TFCP2: variants seen among roughly 807,000 people sequenced by gnomAD.
The protein encoded by TFCP2 is alpha-globin transcription factor CP2.
Under a neutral mutation model 73.4 loss-of-function variants are expected in TFCP2, and 33 were observed. The ratio of observed to expected loss-of-function variants is 0.45; its 90% CI spans 0.34 to 0.60. The LOEUF is 0.60. TFCP2 is among the 20% of genes least tolerant of loss of function. The pLI is 0.01. For synonymous variants in TFCP2, 193 were observed against 211.6 expected (o/e 0.91, Z 0.76); for missense variants, 352 against 604.0 (o/e 0.58, Z 4.37).
chr12:51,113,565 C>A (rs553641282), intron 4 of TFCP2, among the ~76,000 whole-genome samples: 2 of 152,234 alleles, frequency 1.3e-5, no homozygotes, highest in Admixed American at 6.5e-5. Flanking sequence ...TCTTTACAAA[C>A]GCAAAACAAA....
chr12:51,147,586 C>T (rs893393549), intron 1 of TFCP2, among the ~76,000 whole-genome samples: 1 of 151,914 alleles, frequency 6.6e-6, no homozygotes, highest in African/African-American at 2.4e-5. Context: ...AACTGGCAAG[C>T]CACATGTAGG....
intron 4 of TFCP2, among the ~76,000 whole-genome samples, chr12:51,112,111 A>G (rs1181174963): frequency 6.6e-6 from 1 of 152,146 alleles, no homozygotes; most frequent in African/African-American, 2.4e-5. Context: ...GTGAGCCAGT[A>G]TTGCGCCACT....
intron 1 of TFCP2, among the ~76,000 whole-genome samples, chr12:51,146,554 G>A (rs1276464603): frequency 3.3e-5 from 5 of 152,090 alleles, no homozygotes. Flanking sequence ...ATAATGGCTA[G>A]GATGCAGAAC....
chr12:51,151,818 A>C (rs751579986), intron 1 of TFCP2, among the ~76,000 whole-genome samples: 45 of 152,326 alleles, frequency 3.0e-4, no homozygotes, highest in Non-Finnish European at 6.2e-4. Flanking sequence ...ACTGTCATCA[A>C]AATATATAGT....
Position 51,172,494 on chromosome 12 carries a change from G to A in TFCP2, c.-72C>T. Reference sequence around the variant, plus strand: ...CGCGGAGGGTAATTCTACCCAACAGGAGTAACGCAAACCAAGAAAACTACA... The same window carrying A: ...CGCGGAGGGTAATTCTACCCAACAGAAGTAACGCAAACCAAGAAAACTACA... On this transcript the variant is annotated 5_prime_UTR_variant, in exon 1 of 15. Transcript: ENST00000257915. 6.3e-7 allele frequency: 1 copy of A among 1,592,848 alleles called. No individual in the cohort carries two copies. Among genetic ancestry groups the A allele is most frequent in the Non-Finnish European group, 8.5e-7 (1 of 1,171,030 alleles).
intron 6 of TFCP2, among the ~76,000 whole-genome samples, chr12:51,108,025 C>T (rs1017640108): frequency 1.3e-4 from 20 of 151,594 alleles, no homozygotes; most frequent in African/African-American, 4.8e-4. Context: ...TGGCTCATGC[C>T]TGTAATCCCA....
At chr12:51,111,095 C>T (rs1940387753) in intron 4 of TFCP2, 112 bp from the exon 5 acceptor site, 15 of 714,200 alleles carry the variant, frequency 2.1e-5, no homozygotes, top group Non-Finnish European at 3.4e-5. Flanking sequence ...TTGTATATCA[C>T]ATCCTAAATT....
At chr12:51,137,165 C>A (rs1185759458) in intron 1 of TFCP2, among the ~76,000 whole-genome samples, 1 of 152,106 alleles carries the variant, frequency 6.6e-6, no homozygotes, top group South Asian at 2.1e-4. Flanking sequence ...AGATCACTTG[C>A]GAGATACCAG....
intron 1 of TFCP2, among the ~76,000 whole-genome samples, chr12:51,166,059 A>G (rs1478760654): frequency 1.3e-5 from 2 of 151,746 alleles, no homozygotes; most frequent in Non-Finnish European, 2.9e-5. Context: ...TCACATCTGT[A>G]ATCCCAGCAC....
At chr12:51,100,981 T>C (rs561719238) in intron 11 of TFCP2, among the ~76,000 whole-genome samples, 2 of 152,332 alleles carry the variant, frequency 1.3e-5, no homozygotes, top group South Asian at 2.1e-4. Context: ...CAAATTACTA[T>C]GTATTTTAAC....
chr12:51,116,342 G>A lies in TFCP2; in HGVS notation c.430C>T (p.Arg144Ter). 1.2e-6 allele frequency: 2 copies of A among 1,608,178 alleles called. No homozygotes were observed. The highest frequency in any genetic ancestry group is 1.7e-6 in the Non-Finnish European group (2 of 1,176,368). The change falls in exon 4 of 15, where the codon CGA (arginine) becomes TGA (stop). Residue 144 changes from arginine to a stop codon, truncating the protein, a stop_gained. Transcript: ENST00000257915. LOFTEE classifies it high-confidence loss of function. ...ATGTCAAGAATTCTGTCTCCAGGTC[G>A]GTTCCACCTCCAGCCCTCTAGCTGC... ...HQQLEGWRWN[R>*]PGDRILDIDI... is the part of the protein sequence containing the mutation.
chr12:51,147,627 T>C (rs1472931722), intron 1 of TFCP2, among the ~76,000 whole-genome samples: 1 of 152,224 alleles, frequency 6.6e-6, no homozygotes, highest in East Asian at 1.9e-4. Context: ...TCTCTCACCT[T>C]ATACAAAAAT....
chr12:51,154,010 A>T (rs1941483905), intron 1 of TFCP2, among the ~76,000 whole-genome samples: 1 of 149,976 alleles, frequency 6.7e-6, no homozygotes, highest in African/African-American at 2.5e-5. Flanking sequence ...TAAAGGTTCC[A>T]ATTCCTCTAC....
chr12:51,128,467 AAGT>A (rs1391309704), intron 1 of TFCP2, among the ~76,000 whole-genome samples: 30 of 127,042 alleles, frequency 2.4e-4, no homozygotes, highest in African/African-American at 8.7e-4. Context: ...CTAAAACTTA[AAGT>A]ATAATAATAA....
intron 1 of TFCP2, among the ~76,000 whole-genome samples, chr12:51,162,677 C>T (rs1205000027): frequency 6.6e-6 from 1 of 151,994 alleles, no homozygotes; most frequent in Non-Finnish European, 1.5e-5. Flanking sequence ...GAACGAAATC[C>T]TGATTTTTTT....
At chr12:51,152,322 CA>C (rs1340176192) in intron 1 of TFCP2, among the ~76,000 whole-genome samples, 1 of 151,860 alleles carries the variant, frequency 6.6e-6, no homozygotes, top group African/African-American at 2.4e-5. Context: ...CTGCACTTAT[CA>C]AATTGTCAGT....
Position 51,172,646 on chromosome 12 carries a change from T to C in TFCP2, c.-224A>G. The C allele has an allele frequency of 1.9e-6, 1 of 513,152 alleles. No homozygotes were observed. Among genetic ancestry groups the C allele is most frequent in the Non-Finnish European group, 3.5e-6 (1 of 289,482 alleles). The allele number at this position is 513,152 out of a possible 1,614,324, so 31.8% of individuals were successfully genotyped here. ...CTGCCCCAGGTTCCAAAATCCCCCCTGCCCAGCTCTCAGGAACGTGAGGAC... is the reference window on the plus strand; with the variant it reads ...CTGCCCCAGGTTCCAAAATCCCCCCCGCCCAGCTCTCAGGAACGTGAGGAC... On this transcript the variant is annotated 5_prime_UTR_variant, in exon 1 of 15. Transcript: ENST00000257915.
At chr12:51,154,757 C>T (rs755128545) in intron 1 of TFCP2, among the ~76,000 whole-genome samples, 2 of 152,098 alleles carry the variant, frequency 1.3e-5, no homozygotes, top group African/African-American at 2.4e-5. Context: ...CTATACTCAC[C>T]TATTTTTTTA....
At chr12:51,147,096 A>C (rs1941312627) in intron 1 of TFCP2, among the ~76,000 whole-genome samples, 1 of 152,212 alleles carries the variant, frequency 6.6e-6, no homozygotes, top group South Asian at 2.1e-4. Context: ...TAATCCCAGC[A>C]CTTTGGGAGC....
Sources: allele counts gnomAD v4.1 joint callset (sites outside exome capture counted in the v4.1 genomes callset), GRCh38; gene constraint gnomAD v4.1.1; transcripts MANE v1.5; gene names NCBI Gene and HGNC (gene_info 2026-07-23, HGNC 2026-07-21).